Variants in FRMD5 observed in about 807,000 individuals in gnomAD.
The protein encoded by FRMD5 is FERM domain containing 5.
In FRMD5, 20 loss-of-function variants were observed where a neutral mutation model predicts 69.0. The ratio of observed to expected loss-of-function variants is 0.29; its 90% CI spans 0.20 to 0.42. The LOEUF (loss-of-function observed/expected upper bound fraction) is 0.42, where lower values mean the gene tolerates loss of function less well. FRMD5 is among the 10% of genes least tolerant of loss of function. The pLI, the probability that FRMD5 is intolerant of heterozygous loss-of-function variation, is 1.00. For missense variants in FRMD5, 595 were observed against 708.6 expected (o/e 0.84, Z 1.82); for synonymous variants, 271 against 260.1 (o/e 1.04, Z -0.40).
chr15:43,871,121 G>A lies in FRMD5; in HGVS notation c.*2764C>T, dbSNP rs2088149984. On this transcript the variant is annotated 3_prime_UTR_variant, in exon 14 of 14. Transcript: ENST00000417257. Reference sequence around the variant, plus strand: ...CACAGTATAACCAGGTTAAAAACTTGAACAATTTTTAAAGGTGGAGATATA... The same window carrying A: ...CACAGTATAACCAGGTTAAAAACTTAAACAATTTTTAAAGGTGGAGATATA... The A allele has an allele frequency of 1.3e-5, 2 of 152,120 alleles. No individual in the cohort carries two copies. Among genetic ancestry groups the A allele is most frequent in the South Asian group, 4.1e-4 (2 of 4,830 alleles). The allele number at this position is 152,120 out of a possible 1,614,324, so 9.4% of individuals were successfully genotyped here.
At chr15:44,126,517 G>A (rs2077026335) in intron 1 of FRMD5, among the ~76,000 whole-genome samples, 1 of 152,158 alleles carries the variant, frequency 6.6e-6, no homozygotes, top group African/African-American at 2.4e-5. Context: ...AAAACACTGA[G>A]TTTCTCTTCC....
intron 1 of FRMD5, among the ~76,000 whole-genome samples, chr15:43,990,566 C>A (rs1221151984): frequency 6.6e-6 from 1 of 152,144 alleles, no homozygotes; most frequent in Non-Finnish European, 1.5e-5. Flanking sequence ...CATATAGAGT[C>A]AGCTAGCATG....
At chr15:44,113,241 CA>C (rs1284416075) in intron 1 of FRMD5, among the ~76,000 whole-genome samples, 2 of 152,204 alleles carry the variant, frequency 1.3e-5, no homozygotes, top group African/African-American at 4.8e-5. Flanking sequence ...TCAAAAGAAA[CA>C]ATCTGCATTG....
At chr15:44,098,120 A>AAC (rs2076580929) in intron 1 of FRMD5, among the ~76,000 whole-genome samples, 1 of 142,246 alleles carries the variant, frequency 7.0e-6, no homozygotes. Flanking sequence ...CAAAACAAAA[A>AAC]AAAAAAAACT....
At chr15:44,135,678 A>G (rs1009669013) in intron 1 of FRMD5, among the ~76,000 whole-genome samples, 1 of 152,012 alleles carries the variant, frequency 6.6e-6, no homozygotes, top group Admixed American at 6.6e-5. Context: ...TACAAAAATT[A>G]GCCAGGCGTG....
intron 1 of FRMD5, among the ~76,000 whole-genome samples, chr15:44,186,574 C>T (rs1435465005): frequency 6.6e-6 from 1 of 152,192 alleles, no homozygotes; most frequent in Non-Finnish European, 1.5e-5. Context: ...CTAGGGCATG[C>T]GGGTTTGATG....
rs535045091 is a variant in FRMD5 at position 43,973,083 on chromosome 15, C to T, written c.103-48774G>A. Among the ~76,000 whole-genome samples the T allele has an allele frequency of 4.6e-3, 704 of 151,930 alleles. 6 individuals carry two copies. Among genetic ancestry groups the T allele is most frequent in the Non-Finnish European group, 4.2e-3 (286 of 67,976 alleles). Reference sequence around the variant, plus strand: ...TGTCCTCCAGGCTGGAGTGCAGTGGCGCGATCTCGGCTCACTGCAAGCACT... The same window carrying T: ...TGTCCTCCAGGCTGGAGTGCAGTGGTGCGATCTCGGCTCACTGCAAGCACT... On this transcript the variant is annotated intron_variant, in intron 1 of 13. Coordinates refer to ENST00000417257, the MANE Select transcript of FRMD5 (RefSeq NM_032892.5).
At chr15:44,125,626 T>G (rs1566959541) in intron 1 of FRMD5, among the ~76,000 whole-genome samples, 1 of 152,250 alleles carries the variant, frequency 6.6e-6, no homozygotes, top group Non-Finnish European at 1.5e-5. Flanking sequence ...TGATGAATAC[T>G]AACTACTGTG....
intron 4 of FRMD5, among the ~76,000 whole-genome samples, chr15:43,917,991 T>G (rs1341158692): frequency 6.6e-6 from 1 of 152,194 alleles, no homozygotes; most frequent in African/African-American, 2.4e-5. Context: ...AAGAAGCCAC[T>G]TTTCTCCCCT....
chr15:44,115,982 G>C (rs893853346), intron 1 of FRMD5, among the ~76,000 whole-genome samples: 3 of 152,148 alleles, frequency 2.0e-5, no homozygotes, highest in African/African-American at 7.2e-5. Flanking sequence ...AGCAACTAAT[G>C]TGAGCACTGG....
chr15:44,017,974 G>A (rs1595629512), intron 1 of FRMD5, among the ~76,000 whole-genome samples: 1 of 152,228 alleles, frequency 6.6e-6, no homozygotes, highest in East Asian at 1.9e-4. Context: ...ATTAGCCTAA[G>A]TCCCACTGCC....
At chr15:43,961,971 A>C (rs2090209296) in intron 1 of FRMD5, among the ~76,000 whole-genome samples, 1 of 152,238 alleles carries the variant, frequency 6.6e-6, no homozygotes, top group Non-Finnish European at 1.5e-5. Flanking sequence ...AAAAACTGGA[A>C]GCATTCCCTT....
At chr15:43,950,095 C>A (rs2090004109) in intron 1 of FRMD5, among the ~76,000 whole-genome samples, 2 of 152,294 alleles carry the variant, frequency 1.3e-5, no homozygotes, top group South Asian at 2.1e-4. Context: ...TGCATCTGGG[C>A]AGGCTCTGGT....
intron 1 of FRMD5, among the ~76,000 whole-genome samples, chr15:43,956,683 C>G (rs1445418397): frequency 6.6e-6 from 1 of 152,120 alleles, no homozygotes; most frequent in African/African-American, 2.4e-5. Context: ...TGCAACACTC[C>G]AAGGCATTAA....
At chr15:43,960,855 A>G (rs1455219719) in intron 1 of FRMD5, among the ~76,000 whole-genome samples, 1 of 152,250 alleles carries the variant, frequency 6.6e-6, no homozygotes, top group Non-Finnish European at 1.5e-5. Flanking sequence ...AAAGCTGAGT[A>G]GCAAAAGTAG....
intron 1 of FRMD5, among the ~76,000 whole-genome samples, chr15:43,926,275 C>T (rs1366714394): frequency 6.6e-6 from 1 of 152,214 alleles, no homozygotes; most frequent in South Asian, 2.1e-4. Context: ...CAGCATCCAT[C>T]GCTGGCCTGT....
intron 2 of FRMD5, among the ~76,000 whole-genome samples, chr15:43,920,493 G>C (rs886667745): frequency 1.3e-5 from 2 of 152,192 alleles, no homozygotes; most frequent in Admixed American, 6.5e-5. Context: ...CAAGGAGGCA[G>C]GACATAGAGG....
chr15:43,974,223 A>C (rs2090430683), intron 1 of FRMD5, among the ~76,000 whole-genome samples: 1 of 152,172 alleles, frequency 6.6e-6, no homozygotes. Context: ...TAAAAATCTC[A>C]GGTGACTCCT....
chr15:43,967,610 T>C (rs1401535465), intron 1 of FRMD5, among the ~76,000 whole-genome samples: 1 of 152,162 alleles, frequency 6.6e-6, no homozygotes, highest in Non-Finnish European at 1.5e-5. Flanking sequence ...TTTTCAAATG[T>C]TGAAACTGAG....
Sources: gnomAD v4.1 joint callset for allele counts (sites outside exome capture counted in the v4.1 genomes callset) on GRCh38, gnomAD v4.1.1 for gene constraint, MANE v1.5 for transcripts, NCBI Gene and HGNC (gene_info 2026-07-23, HGNC 2026-07-21) for gene names.